Variants in METTL15 observed in about 807,000 individuals in gnomAD.
METTL15 encodes the protein 12S rRNA N(4)-cytidine methyltransferase METTL15.
METTL15 carries 34 observed loss-of-function variants against 38.3 expected under a neutral mutation model. The ratio of observed to expected loss-of-function variants is 0.89; its 90% CI spans 0.68 to 1.18. METTL15 has a LOEUF of 1.18. METTL15 is among the 50% of genes most tolerant of loss of function. The pLI is 0.00. For missense variants in METTL15, 438 were observed against 498.4 expected, an observed-to-expected ratio of 0.88 and a Z score of 1.15; for synonymous variants, 162 against 170.9, an observed-to-expected ratio of 0.95 and a Z score of 0.41.
intron 3 of METTL15, among the ~76,000 whole-genome samples, chr11:28,124,158 C>T (rs980656004): frequency 6.6e-6 from 1 of 152,036 alleles, no homozygotes; most frequent in African/African-American, 2.4e-5. Context: ...GACTTGAATG[C>T]TTCTAGCTAA....
At chr11:28,183,890 G>T (rs1362759241) in intron 3 of METTL15, among the ~76,000 whole-genome samples, 1 of 151,972 alleles carries the variant, frequency 6.6e-6, no homozygotes, top group African/African-American at 2.4e-5. Context: ...TCTGGTTCTG[G>T]ACTTTTTTGG....
At chr11:28,294,544 A>G (rs1856657418) in intron 5 of METTL15, among the ~76,000 whole-genome samples, 1 of 152,190 alleles carries the variant, frequency 6.6e-6, no homozygotes, top group Admixed American at 6.6e-5. Context: ...AGAAATTCAT[A>G]GCTTCAAGAA....
At chr11:28,145,310 T>C (rs1249481407) in intron 3 of METTL15, 1 of 152,140 alleles carries the variant, frequency 6.6e-6, no homozygotes, top group Non-Finnish European at 1.5e-5. Context: ...TTTCCATTTC[T>C]TTACTGTTAT....
At chr11:28,236,913 A>G (rs544094786) in intron 4 of METTL15, among the ~76,000 whole-genome samples, 28 of 152,242 alleles carry the variant, frequency 1.8e-4, no homozygotes, top group Non-Finnish European at 3.5e-4. Context: ...TTTCTTTAAG[A>G]ATGTTGAATA....
chr11:28,318,186 C>T (rs1454185055), intron 6 of METTL15, among the ~76,000 whole-genome samples: 1 of 152,104 alleles, frequency 6.6e-6, no homozygotes, highest in Non-Finnish European at 1.5e-5. Flanking sequence ...ACGTCTTGAT[C>T]TTTATCTGGG....
At chr11:28,241,245 A>G (rs1433527019) in intron 4 of METTL15, among the ~76,000 whole-genome samples, 1 of 152,166 alleles carries the variant, frequency 6.6e-6, no homozygotes, top group Admixed American at 6.5e-5. Flanking sequence ...ATGAAAAACA[A>G]CCAGAGGGCC....
chr11:28,502,541 A>G (rs980843242), intron 6 of METTL15, among the ~76,000 whole-genome samples: 28 of 152,248 alleles, frequency 1.8e-4, no homozygotes, highest in African/African-American at 4.8e-4. Context: ...ATTTTCTCCT[A>G]CTATCCAAAA....
At chr11:28,456,729 C>T (rs575122078) in intron 6 of METTL15, among the ~76,000 whole-genome samples, 40 of 152,204 alleles carry the variant, frequency 2.6e-4, no homozygotes, top group South Asian at 1.2e-3. Flanking sequence ...TGTGAGCCAC[C>T]GCACCTGGCC....
At chr11:28,303,664 T>A (rs1163341608) in intron 6 of METTL15, among the ~76,000 whole-genome samples, 1 of 152,134 alleles carries the variant, frequency 6.6e-6, no homozygotes, top group African/African-American at 2.4e-5. Context: ...TAACCAGAGA[T>A]TAATGAATGC....
chr11:28,488,586 C>G (rs1851456130), intron 6 of METTL15, among the ~76,000 whole-genome samples: 1 of 152,166 alleles, frequency 6.6e-6, no homozygotes, highest in African/African-American at 2.4e-5. Flanking sequence ...GAGTTGAATT[C>G]TCAGTTCTGA....
intron 4 of METTL15, among the ~76,000 whole-genome samples, chr11:28,231,491 A>G (rs2133883036): frequency 6.6e-6 from 1 of 151,958 alleles, no homozygotes; most frequent in Non-Finnish European, 1.5e-5. Flanking sequence ...AAATTCTTAC[A>G]GTTTTCAATG....
intron 5 of METTL15, among the ~76,000 whole-genome samples, chr11:28,378,069 C>A (rs1423919577): frequency 6.6e-6 from 1 of 152,118 alleles, no homozygotes; most frequent in African/African-American, 2.4e-5. Context: ...AGCTGTCAGA[C>A]AGGGACATTT....
chr11:28,236,079 CT>C (rs1853951625), intron 4 of METTL15, among the ~76,000 whole-genome samples: 1 of 152,138 alleles, frequency 6.6e-6, no homozygotes, highest in Admixed American at 6.5e-5. Context: ...TGGTTTTTGT[CT>C]TTGGTTCTGT....
intron 5 of METTL15, among the ~76,000 whole-genome samples, chr11:28,393,296 A>G (rs906515819): frequency 1.3e-5 from 2 of 152,180 alleles, no homozygotes; most frequent in Admixed American, 1.3e-4. Context: ...TTATAAATGA[A>G]TGGATAAAGA....
At chr11:28,154,279 A>G (rs192082557) in intron 3 of METTL15, among the ~76,000 whole-genome samples, 4 of 151,750 alleles carry the variant, frequency 2.6e-5, no homozygotes, top group African/African-American at 2.4e-5. Flanking sequence ...TTGATTTCCC[A>G]TTTTTTTTGT....
downstream of METTL15, among the ~76,000 whole-genome samples, chr11:28,336,199 G>C (rs1849899412): frequency 6.6e-6 from 1 of 152,092 alleles, no homozygotes; most frequent in East Asian, 1.9e-4. Flanking sequence ...CACCTTGACA[G>C]GGTATATAAA....
At chr11:28,370,181 T>G (rs1448367856) in intron 5 of METTL15, among the ~76,000 whole-genome samples, 1 of 152,070 alleles carries the variant, frequency 6.6e-6, no homozygotes, top group Non-Finnish European at 1.5e-5. Flanking sequence ...AACTGTATGT[T>G]TCTACCCATT....
rs770594392 is a variant in METTL15 at position 28,357,494 on chromosome 11, G to A, written c.*259-4443G>A. Among the ~76,000 whole-genome samples, 7 of 152,318 alleles carry A rather than the reference G, an allele frequency of 4.6e-5. No homozygotes were observed. In the South Asian group the frequency reaches 1.2e-3, roughly 27 times the overall value. ...CCAAGTAGACTTTGGTTTATATCCC[G>A]AAGTTTTCTCTCCTAGCTTACAGAC... On this transcript the variant is annotated intron_variant and NMD_transcript_variant, in intron 4 of 7. Coordinates refer to the METTL15 transcript ENST00000532947.
At chr11:28,267,219 A>G (rs1292216530) in intron 4 of METTL15, among the ~76,000 whole-genome samples, 1 of 149,642 alleles carries the variant, frequency 6.7e-6, no homozygotes, top group Admixed American at 6.7e-5. Context: ...AGGGCCCTCC[A>G]GTGTCTAGTC....
Sources: gnomAD v4.1 joint callset for allele counts (sites outside exome capture counted in the v4.1 genomes callset) on GRCh38, gnomAD v4.1.1 for gene constraint, MANE v1.5 for transcripts, NCBI Gene and HGNC (gene_info 2026-07-23, HGNC 2026-07-21) for gene names.